Variants in KDM5A observed in about 807,000 individuals in gnomAD.
KDM5A encodes lysine-specific demethylase 5A.
A neutral mutation model predicts 193.5 loss-of-function variants in KDM5A; 42 were observed. The ratio of observed to expected loss-of-function variants is 0.22; its 90% CI spans 0.17 to 0.28. The LOEUF is 0.28. Ranked by LOEUF, KDM5A falls within the 10% of genes least tolerant of loss-of-function variation. KDM5A has a pLI of 1.00. For synonymous variants in KDM5A, 796 were observed against 718.1 expected, an observed-to-expected ratio of 1.11 and a Z score of -1.73; for missense variants, 1,692 against 2,055.1, an observed-to-expected ratio of 0.82 and a Z score of 3.42.
At chr12:370,669 GGTTT>G (rs1944416490) in intron 3 of KDM5A, among the ~76,000 whole-genome samples, 1 of 151,950 alleles carries the variant, frequency 6.6e-6, no homozygotes, top group African/African-American at 2.4e-5. Flanking sequence ...ACAACGTGCA[GGTTT>G]GTTACATATG....
At position 309,921 on chromosome 12, in the gene KDM5A, T is replaced by C. The variant is rs764882331; in HGVS notation, c.3260A>G (p.Lys1087Arg). 1.2e-5 allele frequency: 19 copies of C among 1,613,512 alleles called. No individual in the cohort carries two copies. The highest frequency in any genetic ancestry group is 1.5e-5 in the Non-Finnish European group (18 of 1,179,956). Residue 1087 changes from lysine to arginine, a missense_variant, in exon 22 of 28, where the codon AAA becomes AGA. Transcript: ENST00000399788. ...RTDIGVYGSG[K>R]NRRKKVKELI... ...TTCTTTTACTTTTTTCCTCCTATTTTTGCCACTCCCATATACACCAATGTC... is the reference window on the plus strand; with the variant it reads ...TTCTTTTACTTTTTTCCTCCTATTTCTGCCACTCCCATATACACCAATGTC...
At chr12:338,265 A>C (rs75755094) in intron 10 of KDM5A, among the ~76,000 whole-genome samples, 2,080 of 152,326 alleles carry the variant, frequency 0.014, 49 homozygotes, top group African/African-American at 0.046. Context: ...AATGTGGTTT[A>C]TGCCGAACTC....
At chr12:339,867 G>A (rs1943978896) in intron 10 of KDM5A, among the ~76,000 whole-genome samples, 1 of 148,162 alleles carries the variant, frequency 6.7e-6, no homozygotes, top group African/African-American at 2.5e-5. Flanking sequence ...CAGATATTAA[G>A]AAGTCTGATT....
intron 3 of KDM5A, among the ~76,000 whole-genome samples, chr12:368,473 T>A (rs1944384447): frequency 6.6e-6 from 1 of 152,190 alleles, no homozygotes; most frequent in Non-Finnish European, 1.5e-5. Flanking sequence ...GGCTCACATC[T>A]GTAATCCCAG....
At chr12:297,696 A>G (rs1010550202) in intron 24 of KDM5A, among the ~76,000 whole-genome samples, 3 of 152,222 alleles carry the variant, frequency 2.0e-5, no homozygotes, top group Non-Finnish European at 2.9e-5. Flanking sequence ...TGAATGAAAC[A>G]TTCTGGCTTG....
At position 307,153 on chromosome 12, in the gene KDM5A, G is replaced by T; in HGVS notation, c.3931-64C>A. On this transcript the variant is annotated intron_variant, in intron 23 of 27. Transcript: ENST00000399788. The surrounding 1 kb of genome is among the most constrained non-coding windows in gnomAD (Gnocchi z 4.3). ...GCTAAACAGACAGGGTAATTAATGT[G>T]TGCTTAAGATCACCAAAATGTAATG... 1 of 1,590,176 alleles carries T rather than the reference G, an allele frequency of 6.3e-7. No homozygotes were observed.
chr12:350,561 G>A, intron 10 of KDM5A, 60 bp downstream of exon 10: 1 of 1,542,414 alleles, frequency 6.5e-7, no homozygotes, highest in Non-Finnish European at 9.0e-7. Context: ...CCTTAAGATA[G>A]TTTTCAATGC....
chr12:365,991 T>G lies in KDM5A; in HGVS notation c.480A>C (p.Ser160=), dbSNP rs773979156. Residue 160 remains serine, a synonymous_variant, in exon 4 of 28, where the codon TCA becomes TCC. Coordinates refer to ENST00000399788, the MANE Select transcript of KDM5A (RefSeq NM_001042603.3). ...ATGGGTAGAGAATTCTTTCATAATG[T>G]GACTTCAAAAGAGACCCAGTTCCTT... The part of the protein sequence containing the change: ...PGKGTGSLLK[S]HYERILYPYE... The G allele has an allele frequency of 6.2e-7, 1 of 1,614,048 alleles. No homozygotes were observed. The highest frequency in any genetic ancestry group is 1.1e-5 in the South Asian group (1 of 91,080).
chr12:349,127 T>G (rs1274448833), intron 10 of KDM5A, among the ~76,000 whole-genome samples: 3 of 151,628 alleles, frequency 2.0e-5, no homozygotes, highest in African/African-American at 7.3e-5. Context: ...TTCAAGTGAT[T>G]ATCCTGCCTT....
chr12:321,127 T>G lies in KDM5A; in HGVS notation c.2427-18A>C. 6.4e-7 allele frequency: 1 copy of G among 1,557,760 alleles called. No homozygotes were observed. The highest frequency in any genetic ancestry group is 8.9e-7 in the Non-Finnish European group (1 of 1,128,700). On this transcript the variant is annotated intron_variant, in intron 17 of 27. Coordinates refer to ENST00000399788, the MANE Select transcript of KDM5A (RefSeq NM_001042603.3). ...GGCTCTGTCTGATGTGAAATAATAT[T>G]GAGATATAAGTAAGAAAAATTCAGT...
At chr12:323,495 T>G (rs893049814) in intron 15 of KDM5A, 105 bp downstream of exon 15, 5 of 1,202,844 alleles carry the variant, frequency 4.2e-6, no homozygotes, top group Non-Finnish European at 6.1e-6. Flanking sequence ...CAGTGAAGTT[T>G]AGAAGTCCAG....
At chr12:379,197 C>T (rs1458208907) in intron 3 of KDM5A, among the ~76,000 whole-genome samples, 24 of 151,756 alleles carry the variant, frequency 1.6e-4, no homozygotes, top group Admixed American at 1.4e-3. Flanking sequence ...TAATAGATGC[C>T]AACAAACTGT....
intron 4 of KDM5A, among the ~76,000 whole-genome samples, chr12:364,884 C>T (rs1245519656): frequency 6.6e-6 from 1 of 151,956 alleles, no homozygotes; most frequent in Non-Finnish European, 1.5e-5. Context: ...AAACATATGT[C>T]CACTCAAAGA....
At chr12:313,343 T>G in intron 19 of KDM5A, 149 bp from the exon 20 acceptor site, 1 of 832,178 alleles carries the variant, frequency 1.2e-6, no homozygotes, top group Non-Finnish European at 2.0e-6. Flanking sequence ...TATCTTTCTT[T>G]TCCATCTTAC....
chr12:290,275 C>T (rs1046779704), intron 27 of KDM5A, among the ~76,000 whole-genome samples: 2 of 152,112 alleles, frequency 1.3e-5, no homozygotes, highest in Non-Finnish European at 2.9e-5. Flanking sequence ...CAGGAACAAA[C>T]ATGTAGAACC....
chr12:370,256 G>A (rs909224955), intron 3 of KDM5A, among the ~76,000 whole-genome samples: 5 of 152,124 alleles, frequency 3.3e-5, no homozygotes, highest in African/African-American at 1.2e-4. Context: ...AGCAGGGCGT[G>A]GTGGCAGGCA....
intron 27 of KDM5A, among the ~76,000 whole-genome samples, chr12:286,770 CCACAGTAGT>C (rs1364275158): frequency 7.2e-5 from 11 of 152,146 alleles, no homozygotes; most frequent in Non-Finnish European, 1.5e-4. Context: ...ACTGTCAAAA[CCACAGTAGT>C]CACGTCAGTA....
At position 322,001 on chromosome 12, in the gene KDM5A, G is replaced by A. The variant is rs182153899; in HGVS notation, c.2426+416C>T. Among the ~76,000 whole-genome samples, 1,103 of 152,232 alleles carry A rather than the reference G, an allele frequency of 7.2e-3. 5 individuals are homozygous for A. The highest frequency in any genetic ancestry group is 0.02 in the Middle Eastern group (6 of 294). ...GTGTATCAGAAGGTGATAAAGCTAG[G>A]AGAAAAACAAAGCATCAAAGAAGGG... On this transcript the variant is annotated intron_variant, in intron 17 of 27. Coordinates refer to ENST00000399788, the MANE Select transcript of KDM5A (RefSeq NM_001042603.3).
In KDM5A at chr12:385,915, C is replaced by T. The variant is rs1944632343; in HGVS notation, c.225G>A (p.Gln75=). The T allele has an allele frequency of 6.2e-7, 1 of 1,613,714 alleles. No homozygotes were observed. The highest frequency in any genetic ancestry group is 1.1e-5 in the South Asian group (1 of 91,074). ...CACTTACCTCAAGTTCATTCAGGCG[C>T]TGGACTCTTGGAGTGAAACGAAAGC... is the stretch of plus-strand genomic sequence containing the variant. The part of the protein sequence containing the change: ...VKSFRFTPRV[Q]RLNELEAMTR... The change falls in exon 2 of 28, where the codon CAG becomes CAA. Residue 75 remains glutamine, a synonymous_variant. Transcript: ENST00000399788.
Sources: allele counts gnomAD v4.1 joint callset (sites outside exome capture counted in the v4.1 genomes callset), GRCh38; gene constraint gnomAD v4.1.1; non-coding constraint Gnocchi (gnomAD v3.1); transcripts MANE v1.5; gene names NCBI Gene and HGNC (gene_info 2026-07-23, HGNC 2026-07-21).